The following MOB3B variants were observed in gnomAD, a reference collection of about 807,000 sequenced individuals.
MOB3B encodes the protein MOB kinase activator-like 2B.
Under a neutral mutation model 18.7 loss-of-function variants are expected in MOB3B, and 7 were observed. The ratio of observed to expected loss-of-function variants is 0.37; its 90% CI spans 0.21 to 0.70. MOB3B has a LOEUF of 0.70. Among genes scored for constraint, MOB3B ranks in the 30% least tolerant of loss-of-function variants. The probability of loss-of-function intolerance (pLI) is 0.52; values close to 1 mark genes in which losing one functional copy is unlikely to be tolerated. For synonymous variants in MOB3B, 111 were observed against 99.9 expected (o/e 1.11, Z -0.66); for missense variants, 253 against 281.3 (o/e 0.90, Z 0.72).
chr9:27,427,472 C>T (rs916789210), intron 2 of MOB3B, among the ~76,000 whole-genome samples: 2 of 152,364 alleles, frequency 1.3e-5, no homozygotes, highest in Admixed American at 1.3e-4. Context: ...GCAGCCACCT[C>T]TCTGCTCCAG....
intron 1 of MOB3B, among the ~76,000 whole-genome samples, chr9:27,526,873 G>A (rs1820444738): frequency 2.0e-5 from 3 of 152,198 alleles, no homozygotes; most frequent in Non-Finnish European, 4.4e-5. Flanking sequence ...TAAAATGTGA[G>A]TGGAGTGTAA....
intron 3 of MOB3B, among the ~76,000 whole-genome samples, chr9:27,337,270 C>T (rs930273660): frequency 2.0e-5 from 3 of 152,246 alleles, no homozygotes; most frequent in African/African-American, 7.2e-5. Flanking sequence ...TTTCGTCTCA[C>T]AAATTCCACT....
At chr9:27,370,756 A>G (rs2131366740) in intron 2 of MOB3B, among the ~76,000 whole-genome samples, 1 of 152,336 alleles carries the variant, frequency 6.6e-6, no homozygotes, top group East Asian at 1.9e-4. Flanking sequence ...TAGGCCAGTG[A>G]ATAAACAAAT....
chr9:27,462,485 A>G (rs1373033922), intron 1 of MOB3B, among the ~76,000 whole-genome samples: 1 of 152,230 alleles, frequency 6.6e-6, no homozygotes, highest in Non-Finnish European at 1.5e-5. Context: ...ATGAGTGTAT[A>G]TCAGCTGATA....
rs1371117753 is a variant in MOB3B at position 27,327,000 on chromosome 9, G to A, written c.*3587C>T. 9 of 156,614 alleles carry A rather than the reference G, an allele frequency of 5.7e-5. No individual in the cohort carries two copies. The highest frequency in any genetic ancestry group is 3.9e-4 in the Admixed American group (6 of 15,370). The allele number at this position is 156,614 out of a possible 1,614,324, so 9.7% of individuals were successfully genotyped here. ...GTCCAAATGGGAGGTCATTGAAGACGGGAGAAAAAATAAAAGCGTTGAATA... is the reference window on the plus strand; with the variant it reads ...GTCCAAATGGGAGGTCATTGAAGACAGGAGAAAAAATAAAAGCGTTGAATA... On this transcript the variant is annotated 3_prime_UTR_variant, in exon 4 of 4. Coordinates refer to ENST00000262244, the MANE Select transcript of MOB3B (RefSeq NM_024761.5).
intron 2 of MOB3B, among the ~76,000 whole-genome samples, chr9:27,433,097 C>A (rs1353287054): frequency 6.6e-6 from 1 of 151,270 alleles, no homozygotes; most frequent in Non-Finnish European, 1.5e-5. Context: ...CTTTTTGCAG[C>A]ATGACTTTTT....
intron 1 of MOB3B, among the ~76,000 whole-genome samples, chr9:27,467,765 G>A (rs7873548): frequency 0.46 from 70,083 of 152,138 alleles, 17,152 homozygotes; most frequent in Middle Eastern, 0.55. Flanking sequence ...TGCTTCCCCA[G>A]CTTTCTGCCT....
At chr9:27,352,734 G>A (rs541368767) in intron 3 of MOB3B, among the ~76,000 whole-genome samples, 71 of 152,334 alleles carry the variant, frequency 4.7e-4, no homozygotes, top group African/African-American at 1.7e-3. Context: ...ACAAAGATGA[G>A]CAGTGCTGCC....
intron 2 of MOB3B, among the ~76,000 whole-genome samples, chr9:27,422,761 T>A (rs967135514): frequency 6.6e-6 from 1 of 152,246 alleles, no homozygotes; most frequent in African/African-American, 2.4e-5. Context: ...TGCTTGTAAA[T>A]TCCAGTTACA....
chr9:27,449,177 A>G (rs1465525117), intron 2 of MOB3B, among the ~76,000 whole-genome samples: 1 of 152,226 alleles, frequency 6.6e-6, no homozygotes, highest in East Asian at 1.9e-4. Flanking sequence ...AGAGATGTCA[A>G]CCTGAAGTAT....
At chr9:27,505,965 T>C (rs1392873161) in intron 1 of MOB3B, among the ~76,000 whole-genome samples, 1 of 152,250 alleles carries the variant, frequency 6.6e-6, no homozygotes, top group African/African-American at 2.4e-5. Flanking sequence ...CATGGGCTTT[T>C]ACCTTTCTCT....
rs1479459707 is a variant in MOB3B at position 27,455,657 on chromosome 9, C to T, written c.-107G>A. The T allele has an allele frequency of 2.6e-6, 4 of 1,562,250 alleles. No individual in the cohort carries two copies. The highest frequency in any genetic ancestry group is 2.5e-5 in the South Asian group (2 of 81,388). On this transcript the variant is annotated 5_prime_UTR_variant, in exon 2 of 4. Transcript: ENST00000262244. ...TGTTTTCCACTGCCAGCACTCAGGC[C>T]CCAGTCTTACAGCCTGTAGCTTTTA...
intron 2 of MOB3B, among the ~76,000 whole-genome samples, chr9:27,363,473 T>C (rs1333065457): frequency 6.6e-6 from 1 of 151,946 alleles, no homozygotes; most frequent in African/African-American, 2.4e-5. Context: ...TTTCACTGTG[T>C]TAGCCAGGAT....
At chr9:27,527,594 A>C (rs984920753) in intron 1 of MOB3B, among the ~76,000 whole-genome samples, 55 of 152,348 alleles carry the variant, frequency 3.6e-4, no homozygotes, top group African/African-American at 1.3e-3. Context: ...TACATAGATC[A>C]TAATGTTCCT....
chr9:27,432,066 G>C (rs1822425475), intron 2 of MOB3B, among the ~76,000 whole-genome samples: 1 of 152,150 alleles, frequency 6.6e-6, no homozygotes, highest in African/African-American at 2.4e-5. Context: ...CAACTACCAT[G>C]TTCAGAAAAA....
At chr9:27,380,045 G>C (rs78591778) in intron 2 of MOB3B, among the ~76,000 whole-genome samples, 7,074 of 152,186 alleles carry the variant, frequency 0.046, 229 homozygotes, top group African/African-American at 0.052. Flanking sequence ...TGATGTGCCA[G>C]TTCAGCAGAA....
chr9:27,458,378 G>A (rs1005877334), intron 1 of MOB3B, among the ~76,000 whole-genome samples: 2 of 151,954 alleles, frequency 1.3e-5, no homozygotes, highest in Non-Finnish European at 1.5e-5. Flanking sequence ...GAATAACACC[G>A]AATAATCACA....
Position 27,359,385 on chromosome 9 carries a change from G to GA in MOB3B, c.419-150_419-149insT, listed in dbSNP as rs1464965766. On this transcript the variant is annotated intron_variant, in intron 2 of 3. Transcript: ENST00000262244. ...ATAGGGAGTGTGTGTGTGTGGGGGG[G>GA]GGGGGTTGGTAGCAAACTAGAAAGC... 11 of 635,694 alleles carry GA rather than the reference G, an allele frequency of 1.7e-5. 1 individual carries two copies. Among genetic ancestry groups the GA allele is most frequent in the East Asian group, 8.5e-5 (3 of 35,218 alleles). 39.4% of individuals were successfully genotyped at this position (635,694 alleles called of 1,614,324 possible).
At chr9:27,454,204 A>G (rs549110876) in intron 2 of MOB3B, among the ~76,000 whole-genome samples, 1 of 152,208 alleles carries the variant, frequency 6.6e-6, no homozygotes, top group Non-Finnish European at 1.5e-5. Flanking sequence ...TCCTACCCCA[A>G]TCTAGAGGTG....
Sources: gnomAD v4.1 joint callset for allele counts (sites outside exome capture counted in the v4.1 genomes callset) on GRCh38, gnomAD v4.1.1 for gene constraint, MANE v1.5 for transcripts, NCBI Gene and HGNC (gene_info 2026-07-23, HGNC 2026-07-21) for gene names.